The following LEP variants were observed in gnomAD, a reference collection of about 807,000 sequenced individuals.
LEP encodes the protein leptin, also known as leptin (murine obesity homolog).
Under a neutral mutation model 9.8 loss-of-function variants are expected in LEP, and 6 were observed. That is an observed-to-expected ratio of 0.61 (90% CI 0.34 to 1.21). LEP has a LOEUF of 1.21. LEP is among the 50% of genes most tolerant of loss of function. The pLI is 0.04. For synonymous variants in LEP, 112 were observed against 81.7 expected (o/e 1.37, Z -2.00); for missense variants, 134 against 198.1 (o/e 0.68, Z 1.94).
At position 128,254,795 on chromosome 7, in the gene LEP, A is replaced by G; in HGVS notation, c.*32A>G. ...GAAGGTCACTCTTCCTGCAAGGACT[A>G]CGTTAAGGGAAGGAACTCTGGCTTC... On this transcript the variant is annotated 3_prime_UTR_variant, in exon 3 of 3. Coordinates refer to ENST00000308868, the MANE Select transcript of LEP (RefSeq NM_000230.3). The G allele has an allele frequency of 1.3e-6, 2 of 1,599,896 alleles. No individual in the cohort carries two copies. Among genetic ancestry groups the G allele is most frequent in the Non-Finnish European group, 1.7e-6 (2 of 1,179,088 alleles).
At chr7:128,251,579 A>C (rs1795274971) in intron 1 of LEP, among the ~76,000 whole-genome samples, 2 of 152,234 alleles carry the variant, frequency 1.3e-5, no homozygotes, top group Non-Finnish European at 2.9e-5. Context: ...GATATATTAC[A>C]GGGATGAAGG....
At chr7:128,249,974 T>C (rs1795255593) in intron 1 of LEP, among the ~76,000 whole-genome samples, 1 of 152,248 alleles carries the variant, frequency 6.6e-6, no homozygotes, top group Admixed American at 6.5e-5. Context: ...CTTGTAAAAC[T>C]GTTTTTCCAC....
At chr7:128,248,085 G>T (rs1218778142) in intron 1 of LEP, among the ~76,000 whole-genome samples, 1 of 152,180 alleles carries the variant, frequency 6.6e-6, no homozygotes, top group East Asian at 1.9e-4. Context: ...CTGAGGTCAG[G>T]AGTTCAAGAC....
At chr7:128,248,624 T>C (rs551460466) in intron 1 of LEP, among the ~76,000 whole-genome samples, 1 of 152,280 alleles carries the variant, frequency 6.6e-6, no homozygotes, top group Admixed American at 6.5e-5. Flanking sequence ...AAAATAAATG[T>C]TCTTCCTTGC....
rs539231793 is a variant in LEP at position 128,242,395 on chromosome 7, G to A, written c.-29+1089G>A. On this transcript the variant is annotated intron_variant, in intron 1 of 2. Coordinates refer to ENST00000308868, the MANE Select transcript of LEP (RefSeq NM_000230.3). ...GGTGGGCCATGGGCAGCTGGAACTGGGGAATTTTGCCAATCTCTTTCATAT... is the reference window on the plus strand; with the variant it reads ...GGTGGGCCATGGGCAGCTGGAACTGAGGAATTTTGCCAATCTCTTTCATAT... Among the ~76,000 whole-genome samples, 12 of 152,286 alleles carry A rather than the reference G, an allele frequency of 7.9e-5. No individual in the cohort carries two copies. In the South Asian group the frequency reaches 2.5e-3, roughly 32 times the overall value.
intron 1 of LEP, among the ~76,000 whole-genome samples, chr7:128,247,371 T>G (rs1795223740): frequency 6.6e-6 from 1 of 152,090 alleles, no homozygotes. Flanking sequence ...ACCACCTCTT[T>G]CCAAAATCTC....
In LEP at chr7:128,256,901, GAA is replaced by G. The variant is rs1171903404; in HGVS notation, c.*2139_*2140del. 6 of 152,332 alleles carry G rather than the reference GAA, an allele frequency of 3.9e-5. No individual in the cohort carries two copies. Among genetic ancestry groups the G allele is most frequent in the Non-Finnish European group, 5.9e-5 (4 of 68,116 alleles). The allele number at this position is 152,332 out of a possible 1,614,324, so 9.4% of individuals were successfully genotyped here. Reference sequence around the variant, plus strand: ...AGAGTTTGAAGGAGGTGAGGGATGTGAATTGCCTGCAGAGAGAAGCCTGTTTT... The same window carrying G: ...AGAGTTTGAAGGAGGTGAGGGATGTGTTGCCTGCAGAGAGAAGCCTGTTTT... On this transcript the variant is annotated 3_prime_UTR_variant, in exon 3 of 3. Transcript: ENST00000308868.
At chr7:128,243,027 G>T (rs1383457377) in intron 1 of LEP, among the ~76,000 whole-genome samples, 2 of 152,224 alleles carry the variant, frequency 1.3e-5, no homozygotes, top group African/African-American at 4.8e-5. Context: ...CACCGGGGTA[G>T]GAGTCTGGCA....
rs141758001 is a variant in LEP, at chr7:128,250,607, A to T, written c.-28-1384A>T. Among the ~76,000 whole-genome samples the T allele has an allele frequency of 3.4e-3, 518 of 152,310 alleles. 11 individuals are homozygous for T. The highest frequency in any genetic ancestry group is 0.029 in the Admixed American group (442 of 15,300). Reference sequence around the variant, plus strand: ...TTTTCTCTTCTGTGAAATTCAGATTAAAAAAACATGGCTTTGATCAAACAT... The same window carrying T: ...TTTTCTCTTCTGTGAAATTCAGATTTAAAAAACATGGCTTTGATCAAACAT... On this transcript the variant is annotated intron_variant, in intron 1 of 2. Coordinates refer to ENST00000308868, the MANE Select transcript of LEP (RefSeq NM_000230.3).
At position 128,255,128 on chromosome 7, in the gene LEP, GA is replaced by G. The variant is rs1390145788; in HGVS notation, c.*366del. 1.2e-4 allele frequency: 37 copies of G among 307,128 alleles called. No individual in the cohort carries two copies. Among genetic ancestry groups the G allele is most frequent in the Non-Finnish European group, 2.0e-4 (32 of 156,962 alleles). The allele number at this position is 307,128 out of a possible 1,614,324, so 19.0% of individuals were successfully genotyped here. A position where few individuals can be genotyped will look rare whatever the true frequency, so the allele number is the denominator to read the frequency against. On this transcript the variant is annotated 3_prime_UTR_variant, in exon 3 of 3. Coordinates refer to ENST00000308868, the MANE Select transcript of LEP (RefSeq NM_000230.3). ...ACCAGGGGTGATTTCAGAGAGGGCA[GA>G]GGGGTAGGCAGAGCCTTTGGATGAC...
intron 1 of LEP, among the ~76,000 whole-genome samples, chr7:128,241,665 G>A (rs1795153276): frequency 6.6e-6 from 1 of 152,238 alleles, no homozygotes; most frequent in Non-Finnish European, 1.5e-5. Flanking sequence ...ACCCCAGTCT[G>A]AAGGAGATAA....
chr7:128,245,652 C>T (rs921745333), intron 1 of LEP, among the ~76,000 whole-genome samples: 5 of 152,164 alleles, frequency 3.3e-5, no homozygotes, highest in African/African-American at 9.7e-5. Flanking sequence ...TACCATGTTA[C>T]CTGAATTTAA....
chr7:128,253,864 G>A (rs1236273945), intron 2 of LEP, among the ~76,000 whole-genome samples: 1 of 152,244 alleles, frequency 6.6e-6, no homozygotes, highest in African/African-American at 2.4e-5. Flanking sequence ...TAACCACGGA[G>A]GTGTCAGCCT....
In LEP at chr7:128,251,988, C is replaced by T; in HGVS notation, c.-28-3C>T. On this transcript the variant is annotated splice_polypyrimidine_tract_variant and splice_region_variant and intron_variant, in intron 1 of 2. Transcript: ENST00000308868. ...TGCAGTGTGTGGTTCCTTCTGTTTT[C>T]AGGCCCAAGAAGCCCATCCTGGGAA... 2 of 1,613,634 alleles carry T rather than the reference C, an allele frequency of 1.2e-6. No individual in the cohort carries two copies. Among genetic ancestry groups the T allele is most frequent in the South Asian group, 1.1e-5 (1 of 91,076 alleles).
At chr7:128,244,195 G>A (rs1242037292) in intron 1 of LEP, among the ~76,000 whole-genome samples, 1 of 152,012 alleles carries the variant, frequency 6.6e-6, no homozygotes, top group Non-Finnish European at 1.5e-5. Context: ...GGGGTCCAGT[G>A]AGCCTTGATC....
chr7:128,249,186 T>C (rs1409787105), intron 1 of LEP, among the ~76,000 whole-genome samples: 1 of 152,198 alleles, frequency 6.6e-6, no homozygotes, highest in Non-Finnish European at 1.5e-5. Flanking sequence ...CATGTTGGCA[T>C]GTGTTAAGTC....
At chr7:128,248,047 C>T (rs150204746) in intron 1 of LEP, among the ~76,000 whole-genome samples, 8,202 of 152,288 alleles carry the variant, frequency 0.054, 254 homozygotes, top group Non-Finnish European at 0.064. Flanking sequence ...AATCTCAACA[C>T]TTTGGGAGGC....
intron 1 of LEP, 110 bp downstream of exon 1, chr7:128,241,416 G>A (rs976520372): frequency 6.5e-6 from 1 of 152,988 alleles, no homozygotes; most frequent in Admixed American, 6.5e-5. Flanking sequence ...GGGATGCAGG[G>A]CGGATGGCTT....
Position 128,256,138 on chromosome 7 carries a change from T to A in LEP, c.*1375T>A, listed in dbSNP as rs28959468. 6.6e-6 allele frequency: 1 copy of A among 151,824 alleles called. No individual in the cohort carries two copies. The highest frequency in any genetic ancestry group is 1.5e-5 in the Non-Finnish European group (1 of 67,944). The allele number at this position is 151,824 out of a possible 1,614,324, so 9.4% of individuals were successfully genotyped here. Reference sequence around the variant, plus strand: ...CAAAATTACCAAAAATCTTGGGGGGTTTTTACTCCAGTGGTGAAGAAAACT... The same window carrying A: ...CAAAATTACCAAAAATCTTGGGGGGATTTTACTCCAGTGGTGAAGAAAACT... On this transcript the variant is annotated 3_prime_UTR_variant, in exon 3 of 3. Coordinates refer to ENST00000308868, the MANE Select transcript of LEP (RefSeq NM_000230.3).
Sources: gnomAD v4.1 joint callset for allele counts (sites outside exome capture counted in the v4.1 genomes callset) on GRCh38, gnomAD v4.1.1 for gene constraint, MANE v1.5 for transcripts, NCBI Gene and HGNC (gene_info 2026-07-23, HGNC 2026-07-21) for gene names.